FAM76B: variants seen among roughly 807,000 people sequenced by gnomAD.
FAM76B encodes the protein family with sequence similarity 76 member B.
In FAM76B, 16 loss-of-function variants were observed where a neutral mutation model predicts 51.8. The ratio of observed to expected loss-of-function variants is 0.31; its 90% CI spans 0.21 to 0.47. FAM76B has a LOEUF of 0.47. Ranked by LOEUF, FAM76B falls within the 20% of genes least tolerant of loss-of-function variation. The pLI is 1.00. For missense variants in FAM76B, 342 were observed against 392.6 expected (o/e 0.87, Z 1.09); for synonymous variants, 166 against 129.5 (o/e 1.28, Z -1.91).
At chr11:95,776,553 T>C (rs544498864) in intron 8 of FAM76B, among the ~76,000 whole-genome samples, 217 of 151,202 alleles carry the variant, frequency 1.4e-3, no homozygotes, top group Non-Finnish European at 2.6e-3. Flanking sequence ...CACCTAACAC[T>C]TGAGGTAAAA....
intron 4 of FAM76B, among the ~76,000 whole-genome samples, chr11:95,785,443 C>T (rs115921905): frequency 6.6e-6 from 1 of 152,100 alleles, no homozygotes; most frequent in African/African-American, 2.4e-5. Flanking sequence ...AAAATAAAAC[C>T]AAGTTTTTAT....
rs375373005 is a variant in FAM76B at position 95,786,098 on chromosome 11, C to T, written c.363+21G>A. The T allele has an allele frequency of 4.4e-6, 7 of 1,585,076 alleles. No homozygotes were observed. The African/African-American group carries it at 8.1e-5, about 18-fold the overall frequency. ...ATTTTATTTAATTTCCAGAAGATGT[C>T]ATAACATAAATAAAGCATACCTTTC... On this transcript the variant is annotated intron_variant, in intron 4 of 9. Coordinates refer to ENST00000358780, the MANE Select transcript of FAM76B (RefSeq NM_144664.5).
At position 95,786,117 on chromosome 11, in the gene FAM76B, A is replaced by G; in HGVS notation, c.363+2T>C. On this transcript the variant is annotated splice_donor_variant, in intron 4 of 9. Coordinates refer to ENST00000358780, the MANE Select transcript of FAM76B (RefSeq NM_144664.5). LOFTEE classifies it high-confidence loss of function. ...AGATGTCATAACATAAATAAAGCAT[A>G]CCTTTCTTCTTCCTTCCTCCTTCCG... 2 of 1,603,154 alleles carry G rather than the reference A, an allele frequency of 1.2e-6. No individual in the cohort carries two copies. The highest frequency in any genetic ancestry group is 1.7e-6 in the Non-Finnish European group (2 of 1,174,518).
chr11:95,789,280 C>G, intron 1 of FAM76B, 112 bp downstream of exon 1: 1 of 1,232,554 alleles, frequency 8.1e-7, no homozygotes, highest in East Asian at 2.5e-5. Context: ...GGGCTCCAGA[C>G]TCCCAAACCC....
chr11:95,779,174 A>C, intron 7 of FAM76B: 3 of 1,548,936 alleles, frequency 1.9e-6, no homozygotes, highest in Non-Finnish European at 2.6e-6. Context: ...TAAGGGGGTC[A>C]ATACTTCTAG....
At chr11:95,788,253 A>C (rs1285566169) in intron 2 of FAM76B, among the ~76,000 whole-genome samples, 1 of 152,202 alleles carries the variant, frequency 6.6e-6, no homozygotes, top group African/African-American at 2.4e-5. Flanking sequence ...TTTCATTAGC[A>C]AGGCTGTACA....
chr11:95,778,586 A>G (rs908037940), intron 8 of FAM76B, among the ~76,000 whole-genome samples: 16 of 151,570 alleles, frequency 1.1e-4, no homozygotes, highest in African/African-American at 3.6e-4. Context: ...ACTGAAAATT[A>G]AAGTTTGGAA....
chr11:95,786,443 T>C, intron 3 of FAM76B, 169 bp from the exon 4 acceptor site: 4 of 595,118 alleles, frequency 6.7e-6, no homozygotes, highest in Non-Finnish European at 1.1e-5. Context: ...ACCATATTTC[T>C]ATGCATTCAA....
chr11:95,788,373 C>T (rs916283027), intron 2 of FAM76B, 126 bp downstream of exon 2: 4 of 771,314 alleles, frequency 5.2e-6, no homozygotes, highest in Non-Finnish European at 8.4e-6. Flanking sequence ...AGGTTTACAA[C>T]TTAAAATTTC....
rs1045025555 is a variant in FAM76B, at chr11:95,779,021, T to C, written c.693-64A>G. The stretch of plus-strand genomic sequence containing the variant: ...AAGGAAAATTAGCAGGTGTTCAAAT[T>C]GCATAAATTAGACAATTCCACAAAC... On this transcript the variant is annotated intron_variant, in intron 7 of 9. Coordinates refer to ENST00000358780, the MANE Select transcript of FAM76B (RefSeq NM_144664.5). 8.1e-6 allele frequency: 13 copies of C among 1,597,612 alleles called. No homozygotes were observed. The South Asian group carries it at 1.4e-4, about 18-fold the overall frequency.
At chr11:95,778,791 C>T (rs1191898607) in intron 8 of FAM76B, 31 bp downstream of exon 8, 1 of 1,568,880 alleles carries the variant, frequency 6.4e-7, no homozygotes. Context: ...ACACATAACT[C>T]TTACCAGGCT....
chr11:95,783,506 T>C (rs1860387975), intron 4 of FAM76B, among the ~76,000 whole-genome samples: 1 of 152,214 alleles, frequency 6.6e-6, no homozygotes, highest in Non-Finnish European at 1.5e-5. Flanking sequence ...GAAGCATTTT[T>C]AATTTGAAGA....
At chr11:95,772,904 A>AT (rs1166528105) in intron 9 of FAM76B, among the ~76,000 whole-genome samples, 4 of 151,162 alleles carry the variant, frequency 2.6e-5, no homozygotes, top group East Asian at 3.9e-4. Context: ...AAATCAAATA[A>AT]TTTTTTATGT....
chr11:95,773,852 T>A (rs1259496316), intron 9 of FAM76B, among the ~76,000 whole-genome samples: 1 of 151,288 alleles, frequency 6.6e-6, no homozygotes, highest in Non-Finnish European at 1.5e-5. Context: ...TTTGAACAAT[T>A]TTTTCATGTG....
rs1273200711 is a variant in FAM76B, at chr11:95,771,368, A to G, written c.*193T>C. ...ATCAAATAATTAAAAAGTTACTTCA[A>G]ACCAGTTGAAGTTTTATTTGAATGT... On this transcript the variant is annotated 3_prime_UTR_variant, in exon 10 of 10. Coordinates refer to ENST00000358780, the MANE Select transcript of FAM76B (RefSeq NM_144664.5). 1 of 462,554 alleles carries G rather than the reference A, an allele frequency of 2.2e-6. No individual in the cohort carries two copies. Among genetic ancestry groups the G allele is most frequent in the African/African-American group, 2.0e-5 (1 of 49,738 alleles). The allele number at this position is 462,554 out of a possible 1,614,324, so 28.7% of individuals were successfully genotyped here.
At chr11:95,782,220 T>A (rs1267837035) in intron 5 of FAM76B, among the ~76,000 whole-genome samples, 1 of 152,152 alleles carries the variant, frequency 6.6e-6, no homozygotes, top group Middle Eastern at 3.2e-3. Flanking sequence ...CTACTACTAC[T>A]ACATAACTCC....
At chr11:95,788,446 T>C (rs1387133401) in intron 2 of FAM76B, 53 bp downstream of exon 2, 3 of 1,365,684 alleles carry the variant, frequency 2.2e-6, no homozygotes, top group Non-Finnish European at 3.1e-6. Context: ...CCCCAAGTAT[T>C]CCATAAAGAC....
At chr11:95,775,881 GC>G in intron 9 of FAM76B, 40 bp downstream of exon 9, 1 of 1,362,038 alleles carries the variant, frequency 7.3e-7, no homozygotes, top group Non-Finnish European at 1.0e-6. Flanking sequence ...CTCAAGTTTA[GC>G]CCTTCTTGCC....
At chr11:95,785,893 A>G (rs113127291) in intron 4 of FAM76B, among the ~76,000 whole-genome samples, 25 of 152,358 alleles carry the variant, frequency 1.6e-4, no homozygotes, top group African/African-American at 6.0e-4. Context: ...GGGATAGCCA[A>G]CTAGTACAGA....
Sources: allele counts gnomAD v4.1 joint callset (sites outside exome capture counted in the v4.1 genomes callset), GRCh38; gene constraint gnomAD v4.1.1; transcripts MANE v1.5; gene names NCBI Gene and HGNC (gene_info 2026-07-23, HGNC 2026-07-21).